Variants in MBLAC2 observed in about 807,000 individuals in gnomAD.
MBLAC2 encodes metallo-beta-lactamase domain containing 2.
In MBLAC2, 24 loss-of-function variants were observed where a neutral mutation model predicts 23.3. The observed-to-expected ratio is 1.03, with a 90% CI of 0.75 to 1.45. The LOEUF is 1.45. Ranked by LOEUF, MBLAC2 falls within the 40% of genes most tolerant of loss-of-function variation. The probability of loss-of-function intolerance (pLI) is 0.00; values close to 1 mark genes in which losing one functional copy is unlikely to be tolerated. For missense variants in MBLAC2, 358 were observed against 370.0 expected (o/e 0.97, Z 0.27); for synonymous variants, 162 against 150.9 (o/e 1.07, Z -0.54).
At chr5:90,468,393 T>A (rs759052701) in intron 1 of MBLAC2, among the ~76,000 whole-genome samples, 3 of 152,134 alleles carry the variant, frequency 2.0e-5, no homozygotes, top group African/African-American at 4.8e-5. Flanking sequence ...CATTTTTTTT[T>A]AATTCCTTTT....
At position 90,459,085 on chromosome 5, in the gene MBLAC2, G is replaced by C. The variant is rs953332592; in HGVS notation, c.*2082C>G. The C allele has an allele frequency of 5.9e-5, 9 of 152,372 alleles. No individual in the cohort carries two copies. Among genetic ancestry groups the C allele is most frequent in the Non-Finnish European group, 8.8e-5 (6 of 67,944 alleles). The allele number at this position is 152,372 out of a possible 1,614,324, so 9.4% of individuals were successfully genotyped here. On this transcript the variant is annotated 3_prime_UTR_variant, in exon 2 of 2. Coordinates refer to ENST00000316610, the MANE Select transcript of MBLAC2 (RefSeq NM_203406.2). Reference sequence around the variant, plus strand: ...AAATGGTCAGTGGTTAAGGACTTTTGGTTTTCCTTTGTGCTATTGATATAA... The same window carrying C: ...AAATGGTCAGTGGTTAAGGACTTTTCGTTTTCCTTTGTGCTATTGATATAA...
Position 90,474,416 on chromosome 5 carries a change from C to G in MBLAC2, c.-124G>C. ...CTGCAGCCAGGGAGGAGGCGTAGAG[C>G]GAGGCGGGGGCGTGGGATGCGGGGG... On this transcript the variant is annotated 5_prime_UTR_variant, in exon 1 of 2. Transcript: ENST00000316610. 1 of 872,680 alleles carries G rather than the reference C, an allele frequency of 1.1e-6. No individual in the cohort carries two copies. Among genetic ancestry groups the G allele is most frequent in the Admixed American group, 2.5e-5 (1 of 39,620 alleles). 54.1% of individuals were successfully genotyped at this position (872,680 alleles called of 1,614,324 possible).
Position 90,473,913 on chromosome 5 carries a change from C to T in MBLAC2, c.380G>A (p.Arg127Gln). The change falls in exon 1 of 2, where the codon CGG becomes CAG. Residue 127 changes from arginine to glutamine, a missense_variant. Physicochemically the swap from Arg to Gln is conservative, Grantham distance 43. Coordinates refer to ENST00000316610, the MANE Select transcript of MBLAC2 (RefSeq NM_203406.2). ...GGCCCTCCAGCCGGGGCTGGGCGTC[C>T]GCACCACCTCGCTATCGGAAAGCCA... ...VTWLSDSEVV[R>Q]TPSPGWRARQ... 6.2e-7 allele frequency: 1 copy of T among 1,604,700 alleles called. No individual in the cohort carries two copies. Among genetic ancestry groups the T allele is most frequent in the Non-Finnish European group, 8.5e-7 (1 of 1,176,462 alleles).
chr5:90,472,086 CAT>C (rs1010014233), intron 1 of MBLAC2, among the ~76,000 whole-genome samples: 85 of 152,338 alleles, frequency 5.6e-4, no homozygotes, highest in African/African-American at 2.0e-3. Flanking sequence ...TGACCTCACA[CAT>C]GATACTCAGC....
Position 90,458,370 on chromosome 5 carries a change from C to CT in MBLAC2, c.*2796dup, listed in dbSNP as rs1405198161. ...ACACAAGGTTTTTGTTTGTTTTAGG[C>CT]TTCTCAGTTGAAAGAAAACATCGAG... On this transcript the variant is annotated 3_prime_UTR_variant, in exon 2 of 2. Transcript: ENST00000316610. The CT allele has an allele frequency of 6.6e-6, 1 of 152,072 alleles. No individual in the cohort carries two copies. Among genetic ancestry groups the CT allele is most frequent in the African/African-American group, 2.4e-5 (1 of 41,422 alleles). The allele number at this position is 152,072 out of a possible 1,614,324, so 9.4% of individuals were successfully genotyped here. A position where few individuals can be genotyped will look rare whatever the true frequency, so the allele number is the denominator to read the frequency against.
At chr5:90,472,566 G>A (rs1750574542) in intron 1 of MBLAC2, 2 of 151,830 alleles carry the variant, frequency 1.3e-5, no homozygotes, top group Non-Finnish European at 2.9e-5. Context: ...CTCAAATGAA[G>A]ATGTCATCTG....
chr5:90,470,785 C>CACAA (rs3220210), intron 1 of MBLAC2, among the ~76,000 whole-genome samples: 1,774 of 148,116 alleles, frequency 0.012, 17 homozygotes, highest in African/African-American at 0.025. Flanking sequence ...CACACACACA[C>CACAA]GCTTTCTTTC....
intron 1 of MBLAC2, among the ~76,000 whole-genome samples, chr5:90,470,567 AG>A (rs1489489031): frequency 6.6e-6 from 1 of 152,186 alleles, no homozygotes; most frequent in African/African-American, 2.4e-5. Context: ...GAAAGAGGCC[AG>A]GATTTCTTAG....
In MBLAC2 at chr5:90,474,016, A is replaced by G; in HGVS notation, c.277T>C (p.Tyr93His). 1 of 1,596,444 alleles carries G rather than the reference A, an allele frequency of 6.3e-7. No individual in the cohort carries two copies. The highest frequency in any genetic ancestry group is 8.5e-7 in the Non-Finnish European group (1 of 1,172,748). The change falls in exon 1 of 2, where the codon TAC (tyrosine) becomes CAC (histidine). Residue 93 changes from tyrosine (Y) to histidine (H), a missense_variant. Tyr to His is a moderately conservative substitution (Grantham distance 83). Coordinates refer to ENST00000316610, the MANE Select transcript of MBLAC2 (RefSeq NM_203406.2). ...TGCACTGCCACGCGGTCGAACTGGT[A>G]GAGGCCGCCGGAGTGGTCGAAGTGC... ...HVHFDHSGGLYQFDRVAVHHA... is the reference protein window; with the variant it reads ...HVHFDHSGGLHQFDRVAVHHA...
chr5:90,464,641 AT>A (rs1363827469), intron 1 of MBLAC2, among the ~76,000 whole-genome samples: 8 of 152,306 alleles, frequency 5.3e-5, no homozygotes, highest in African/African-American at 1.9e-4. Flanking sequence ...TCTTAAAATT[AT>A]TGACAAAATA....
At position 90,461,044 on chromosome 5, in the gene MBLAC2, A is replaced by G. The variant is rs1750357979; in HGVS notation, c.*123T>C. On this transcript the variant is annotated 3_prime_UTR_variant, in exon 2 of 2. Coordinates refer to ENST00000316610, the MANE Select transcript of MBLAC2 (RefSeq NM_203406.2). ...TTTCTTTTTGGCTTATTCATTCTCA[A>G]TCTTTCTCTGATATATAATAGTGGT... 1.2e-6 allele frequency: 1 copy of G among 811,822 alleles called. No individual in the cohort carries two copies. Among genetic ancestry groups the G allele is most frequent in the African/African-American group, 1.7e-5 (1 of 57,188 alleles). 50.3% of individuals were successfully genotyped at this position (811,822 alleles called of 1,614,324 possible).
rs757492253 is a variant in MBLAC2 at position 90,474,287 on chromosome 5, C to T, written c.6G>A (p.Ser2=). M[S]ALEWYAHKSL... is the part of the protein sequence containing the mutation. ...ACTTGTGGGCGTACCACTCGAGCGC[C>T]GACATGCTGGGCAGGGGTGCAGCCA... The change falls in exon 1 of 2, where the codon TCG becomes TCA. Residue 2 remains serine (S), a synonymous_variant. Transcript: ENST00000316610. The T allele has an allele frequency of 6.2e-7, 1 of 1,612,820 alleles. No homozygotes were observed. Among genetic ancestry groups the T allele is most frequent in the Non-Finnish European group, 8.5e-7 (1 of 1,179,680 alleles).
chr5:90,466,551 TAAG>T (rs1750449813), intron 1 of MBLAC2, among the ~76,000 whole-genome samples: 1 of 152,050 alleles, frequency 6.6e-6, no homozygotes, highest in African/African-American at 2.4e-5. Context: ...AAGACACCAT[TAAG>T]AATGAAAAGG....
intron 1 of MBLAC2, among the ~76,000 whole-genome samples, chr5:90,469,876 T>C (rs1750516333): frequency 6.6e-6 from 1 of 152,196 alleles, no homozygotes; most frequent in Admixed American, 6.5e-5. Flanking sequence ...ATCCCACTGC[T>C]GGGTATGTAC....
At chr5:90,461,646 G>T in intron 1 of MBLAC2, 94 bp from the exon 2 acceptor site, 1 of 1,169,884 alleles carries the variant, frequency 8.5e-7, no homozygotes. Context: ...CAAAGAAATT[G>T]GGAAGGATGA....
In MBLAC2 at chr5:90,461,022, CT is replaced by C. The variant is rs1250339635; in HGVS notation, c.*144del. On this transcript the variant is annotated 3_prime_UTR_variant, in exon 2 of 2. Transcript: ENST00000316610. ...GAAAACAATTTAAACTAACAATTTT[CT>C]TTTTGGCTTATTCATTCTCAATCTT... The C allele has an allele frequency of 1.5e-6, 1 of 670,832 alleles. No individual in the cohort carries two copies. Among genetic ancestry groups the C allele is most frequent in the Non-Finnish European group, 2.3e-6 (1 of 430,760 alleles). The allele number at this position is 670,832 out of a possible 1,614,324, so 41.6% of individuals were successfully genotyped here.
intron 1 of MBLAC2, among the ~76,000 whole-genome samples, chr5:90,467,683 A>G (rs1750471282): frequency 6.9e-6 from 1 of 145,646 alleles, no homozygotes; most frequent in South Asian, 2.2e-4. Flanking sequence ...CAATGTTAGT[A>G]TTGAGATGCG....
intron 1 of MBLAC2, among the ~76,000 whole-genome samples, chr5:90,470,318 T>C (rs973727476): frequency 6.6e-6 from 1 of 152,208 alleles, no homozygotes; most frequent in African/African-American, 2.4e-5. Context: ...ATTTATTGCA[T>C]GTTTCAAAAT....
In MBLAC2 at chr5:90,470,284, T is replaced by C. The variant is rs571781219; in HGVS notation, c.454+3555A>G. Among the ~76,000 whole-genome samples the C allele has an allele frequency of 3.9e-5, 6 of 152,304 alleles. No homozygotes were observed. The South Asian group carries it at 1.2e-3, about 32-fold the overall frequency. ...TAGATAAAAGAAGTAAGTTCCAGTG[T>C]TTGATAGACTAGAGTTAACAAGGAT... On this transcript the variant is annotated intron_variant, in intron 1 of 1. Coordinates refer to ENST00000316610, the MANE Select transcript of MBLAC2 (RefSeq NM_203406.2).
Sources: allele counts gnomAD v4.1 joint callset (sites outside exome capture counted in the v4.1 genomes callset), GRCh38; gene constraint gnomAD v4.1.1; transcripts MANE v1.5; gene names NCBI Gene and HGNC (gene_info 2026-07-23, HGNC 2026-07-21).